BMPER: variants seen among roughly 807,000 people sequenced by gnomAD.
BMPER encodes the protein BMP binding endothelial regulator.
Under a neutral mutation model 87.3 loss-of-function variants are expected in BMPER, and 45 were observed. That is an observed-to-expected ratio of 0.52 (90% CI 0.41 to 0.66). BMPER has a LOEUF of 0.66. Ranked by LOEUF, BMPER falls within the 30% of genes least tolerant of loss-of-function variation. The pLI, the probability that BMPER is intolerant of heterozygous loss-of-function variation, is 0.00. For synonymous variants in BMPER, 326 were observed against 316.2 expected, an observed-to-expected ratio of 1.03 and a Z score of -0.33; for missense variants, 784 against 867.5, an observed-to-expected ratio of 0.90 and a Z score of 1.21.
chr7:34,147,415 C>G (rs1384557313), intron 14 of BMPER, among the ~76,000 whole-genome samples: 1 of 152,174 alleles, frequency 6.6e-6, no homozygotes, highest in African/African-American at 2.4e-5. Flanking sequence ...GTTTTAATGC[C>G]CCTTTGAGAA....
chr7:34,136,735 G>T, intron 13 of BMPER, among the ~76,000 whole-genome samples: 1 of 152,354 alleles, frequency 6.6e-6, no homozygotes, highest in East Asian at 1.9e-4. Context: ...TTGCTCCCAG[G>T]AAAGCTGACC....
intron 6 of BMPER, among the ~76,000 whole-genome samples, chr7:34,024,401 ATATATATATATATATATATATATATATAT>A (rs1787299520): frequency 1.0e-4 from 3 of 29,650 alleles, no homozygotes; most frequent in Non-Finnish European, 1.2e-4. Context: ...ATATATATAT[ATATATATATATATATATATATATATATAT>A]ATATGTTGGG....
chr7:34,012,032 A>G (rs1482551358), intron 6 of BMPER, among the ~76,000 whole-genome samples: 1 of 151,958 alleles, frequency 6.6e-6, no homozygotes, highest in Non-Finnish European at 1.5e-5. Flanking sequence ...GAAATCTGCA[A>G]ATTATTAAGA....
At position 34,097,996 on chromosome 7, in the gene BMPER, A is replaced by AT. The variant is rs568115031; in HGVS notation, c.1745+11913dup. On this transcript the variant is annotated intron_variant, in intron 13 of 14. Coordinates refer to ENST00000649409, the MANE Select transcript of BMPER (RefSeq NM_001365308.1). The stretch of plus-strand genomic sequence containing the variant: ...CTGTAGTAGTTTAAAGTATACCCTG[A>AT]TTTTTTTTTCGAAGAAAAAGGGCAC... Among the ~76,000 whole-genome samples the AT allele has an allele frequency of 7.6e-4, 115 of 150,934 alleles. 1 individual carries two copies. Among genetic ancestry groups the AT allele is most frequent in the Non-Finnish European group, 1.3e-3 (91 of 67,640 alleles).
At chr7:34,032,437 A>G (rs1049068076) in intron 6 of BMPER, among the ~76,000 whole-genome samples, 1 of 152,146 alleles carries the variant, frequency 6.6e-6, no homozygotes, top group Non-Finnish European at 1.5e-5. Context: ...GTATGGTATA[A>G]GTTCCGCATG....
Position 34,106,855 on chromosome 7 carries a change from C to G in BMPER, c.1745+20763C>G, listed in dbSNP as rs146010026. ...GAGTATAATGTCCTCTGTTGTGCCTCAGGCCATTTTTTCTAGAATATTCTT... is the reference window on the plus strand; with the variant it reads ...GAGTATAATGTCCTCTGTTGTGCCTGAGGCCATTTTTTCTAGAATATTCTT... On this transcript the variant is annotated intron_variant, in intron 13 of 14. Transcript: ENST00000649409. 2.0e-5 allele frequency among the ~76,000 whole-genome samples: 3 copies of G among 152,340 alleles called. No individual in the cohort carries two copies. The East Asian group carries it at 5.8e-4, about 29-fold the overall frequency.
intron 13 of BMPER, among the ~76,000 whole-genome samples, chr7:34,102,207 C>G (rs1423056251): frequency 6.6e-6 from 1 of 152,084 alleles, no homozygotes; most frequent in East Asian, 1.9e-4. Context: ...CATGGTCCTC[C>G]TCCCAGTTCC....
At chr7:33,948,724 AAGTTTCC>A (rs1354923768) in intron 3 of BMPER, among the ~76,000 whole-genome samples, 13 of 152,294 alleles carry the variant, frequency 8.5e-5, no homozygotes, top group Non-Finnish European at 4.4e-5. Flanking sequence ...CCATGATCGT[AAGTTTCC>A]TAAGGCCTTC....
At chr7:33,984,279 A>G (rs1226444823) in intron 6 of BMPER, among the ~76,000 whole-genome samples, 2 of 152,126 alleles carry the variant, frequency 1.3e-5, no homozygotes, top group Non-Finnish European at 2.9e-5. Context: ...CAGCCTGACC[A>G]ATATGGTGAA....
chr7:34,083,951 A>G (rs576404744), intron 12 of BMPER, among the ~76,000 whole-genome samples: 1 of 152,050 alleles, frequency 6.6e-6, no homozygotes, highest in South Asian at 2.1e-4. Context: ...CAGCAGCTCA[A>G]AACAGGCAAA....
chr7:33,919,519 T>C (rs1784164858), intron 2 of BMPER, among the ~76,000 whole-genome samples: 1 of 152,006 alleles, frequency 6.6e-6, no homozygotes, highest in Admixed American at 6.6e-5. Context: ...CCTCTGAGGG[T>C]GGTGGGACAG....
At position 33,964,200 on chromosome 7, in the gene BMPER, CT is replaced by C. The variant is rs375050660; in HGVS notation, c.320-2272del. Among the ~76,000 whole-genome samples the C allele has an allele frequency of 6.6e-3, 1,003 of 152,218 alleles. 10 individuals are homozygous for C. Among genetic ancestry groups the C allele is most frequent in the African/African-American group, 0.023 (964 of 41,550 alleles). ...ATGAGAATGTCCTTTCTTTAATTATCTTTTTTTCTGAGAGTCCTTACATATG... is the reference window on the plus strand; with the variant it reads ...ATGAGAATGTCCTTTCTTTAATTATCTTTTTTCTGAGAGTCCTTACATATG... On this transcript the variant is annotated intron_variant, in intron 3 of 14. Coordinates refer to ENST00000649409, the MANE Select transcript of BMPER (RefSeq NM_001365308.1).
In BMPER at chr7:34,058,255, C is replaced by T. The variant is rs185576635; in HGVS notation, c.1032+92C>T. The T allele has an allele frequency of 6.0e-5, 71 of 1,176,122 alleles. No individual in the cohort carries two copies. In the East Asian group the frequency reaches 9.4e-4, roughly 16 times the overall value. The allele number at this position is 1,176,122 out of a possible 1,614,324, so 72.9% of individuals were successfully genotyped here. ...GCATGCCATCTTCCGAACACAGACT[C>T]CAGCTCCCCCAAAGCCTCTACATTC... On this transcript the variant is annotated intron_variant, in intron 10 of 14. Coordinates refer to ENST00000649409, the MANE Select transcript of BMPER (RefSeq NM_001365308.1).
At chr7:34,015,565 T>A (rs544296944) in intron 6 of BMPER, among the ~76,000 whole-genome samples, 1 of 152,014 alleles carries the variant, frequency 6.6e-6, no homozygotes, top group South Asian at 2.1e-4. Flanking sequence ...TCCAACTTTC[T>A]ATTGGTGAGA....
At chr7:33,938,615 G>C (rs1252269748) in intron 3 of BMPER, among the ~76,000 whole-genome samples, 2 of 152,316 alleles carry the variant, frequency 1.3e-5, no homozygotes, top group Non-Finnish European at 2.9e-5. Context: ...CTAGTCTCCA[G>C]AACTGTGAGA....
At chr7:34,033,812 G>C in intron 6 of BMPER, among the ~76,000 whole-genome samples, 1 of 152,168 alleles carries the variant, frequency 6.6e-6, no homozygotes, top group East Asian at 1.9e-4. Flanking sequence ...AGGATTGTCT[G>C]TGGTTTTTAG....
intron 13 of BMPER, among the ~76,000 whole-genome samples, chr7:34,098,649 G>T (rs1315648451): frequency 6.6e-6 from 1 of 152,144 alleles, no homozygotes; most frequent in African/African-American, 2.4e-5. Context: ...GAGCATGAAG[G>T]TAGATGCATT....
chr7:33,914,284 A>G (rs1784039038), intron 2 of BMPER, among the ~76,000 whole-genome samples: 2 of 152,176 alleles, frequency 1.3e-5, no homozygotes, highest in African/African-American at 4.8e-5. Flanking sequence ...ATTTTTATAC[A>G]TTAATCAGGA....
chr7:33,920,980 G>T (rs1485760184), intron 2 of BMPER, among the ~76,000 whole-genome samples: 1 of 152,130 alleles, frequency 6.6e-6, no homozygotes, highest in African/African-American at 2.4e-5. Flanking sequence ...CACATTAGCT[G>T]TCTTTATTGA....
Sources: gnomAD v4.1 joint callset for allele counts (sites outside exome capture counted in the v4.1 genomes callset) on GRCh38, gnomAD v4.1.1 for gene constraint, MANE v1.5 for transcripts, NCBI Gene and HGNC (gene_info 2026-07-23, HGNC 2026-07-21) for gene names.